ZNF248: variants seen among roughly 807,000 people sequenced by gnomAD.
The protein encoded by ZNF248 is zinc finger protein 248, also known as KRAB protein domain.
In ZNF248, 20 loss-of-function variants were observed where a neutral mutation model predicts 44.3. The observed-to-expected ratio is 0.45, with a 90% CI of 0.32 to 0.66. The LOEUF is 0.66. ZNF248 is among the 30% of genes least tolerant of loss of function. ZNF248 has a pLI of 0.04. For synonymous variants in ZNF248, 224 were observed against 229.0 expected, an observed-to-expected ratio of 0.98 and a Z score of 0.20; for missense variants, 654 against 677.0, an observed-to-expected ratio of 0.97 and a Z score of 0.38.
At position 37,799,043 on chromosome 10, in the gene ZNF248, C is replaced by A. The variant is rs905038737; in HGVS notation, c.331-22468G>T. Among the ~76,000 whole-genome samples the A allele has an allele frequency of 2.6e-5, 4 of 151,976 alleles. No homozygotes were observed. The East Asian group carries it at 7.7e-4, about 29-fold the overall frequency. ...TGACATCTCCATCTGAAAATGCCAA[C>A]CCTGTATGTACATGCTAACATTTTA... is the stretch of plus-strand genomic sequence containing the variant. On this transcript the variant is annotated intron_variant, in intron 6 of 6. Transcript: ENST00000615949.
chr10:37,856,602 A>C, intron 1 of ZNF248, 70 bp from the exon 2 acceptor site: 1 of 1,103,364 alleles, frequency 9.1e-7, no homozygotes, highest in South Asian at 4.2e-5. Flanking sequence ...GAAGGAAAAA[A>C]CACTATGGGT....
At chr10:37,820,233 CA>C (rs757633745) in intron 6 of ZNF248, 24 of 1,334,692 alleles carry the variant, frequency 1.8e-5, no homozygotes, top group South Asian at 1.4e-4. Context: ...CTGTCTGTGC[CA>C]GATGGAGATC....
At chr10:37,778,550 A>T (rs2046881612) in intron 6 of ZNF248, among the ~76,000 whole-genome samples, 1 of 151,828 alleles carries the variant, frequency 6.6e-6, no homozygotes, top group African/African-American at 2.4e-5. Context: ...ATTAGATCCC[A>T]TTTGTCAATT....
chr10:37,832,297 T>C lies in ZNF248; in HGVS notation c.1058A>G (p.Asp353Gly), dbSNP rs749649666. 6.2e-7 allele frequency: 1 copy of C among 1,614,040 alleles called. No individual in the cohort carries two copies. Among genetic ancestry groups the C allele is most frequent in the Admixed American group, 1.7e-5 (1 of 59,986 alleles). ...QIVHMGGKSY[D>G]YNENGSNFSK... ...GAAATTACTCCCATTTTCATTGTAA[T>C]CATAAGACTTTCCCCCCATGTGTAC... Residue 353 changes from aspartate (D) to glycine (G), a missense_variant, in exon 6 of 6, where the codon GAT (aspartate) becomes GGT (glycine). By Grantham distance (94) the Asp-to-Gly change is moderately conservative. Coordinates refer to ENST00000395867, the MANE Select transcript of ZNF248 (RefSeq NM_021045.3).
chr10:37,850,252 C>T lies in ZNF248; in HGVS notation c.15+6044G>A, dbSNP rs184028282. Among the ~76,000 whole-genome samples the T allele has an allele frequency of 2.6e-5, 4 of 152,218 alleles. No homozygotes were observed. The East Asian group carries it at 7.7e-4, about 29-fold the overall frequency. ...TTCAACAAGATTTAGTAATACAGAA[C>T]AGTCATAAATAGTTGCTAAATGAAT... On this transcript the variant is annotated intron_variant, in intron 3 of 5. Coordinates refer to ENST00000395867, the MANE Select transcript of ZNF248 (RefSeq NM_021045.3).
intron 6 of ZNF248, among the ~76,000 whole-genome samples, chr10:37,806,365 T>C (rs935173712): frequency 6.6e-6 from 1 of 152,204 alleles, no homozygotes; most frequent in East Asian, 1.9e-4. Context: ...CATCCTCAAC[T>C]ACACTTGATA....
intron 6 of ZNF248, among the ~76,000 whole-genome samples, chr10:37,809,075 C>A (rs1361613496): frequency 6.6e-6 from 1 of 151,980 alleles, no homozygotes; most frequent in East Asian, 1.9e-4. Flanking sequence ...GTATTTATAT[C>A]CCTGTCTTCA....
At chr10:37,796,045 C>G (rs2049115541) in intron 6 of ZNF248, 3 of 152,066 alleles carry the variant, frequency 2.0e-5, no homozygotes, top group South Asian at 2.1e-4. Flanking sequence ...GCTTTGGCTT[C>G]AAATACATTT....
chr10:37,801,058 G>C (rs560172687), intron 6 of ZNF248, among the ~76,000 whole-genome samples: 1 of 151,444 alleles, frequency 6.6e-6, no homozygotes, highest in Non-Finnish European at 1.5e-5. Flanking sequence ...CACTGTGCCC[G>C]GCCTAAACAA....
chr10:37,816,221 A>G (rs1242815401), intron 6 of ZNF248, among the ~76,000 whole-genome samples: 1 of 152,134 alleles, frequency 6.6e-6, no homozygotes, highest in Non-Finnish European at 1.5e-5. Context: ...GAATAAGGGG[A>G]AGGACTTGCA....
At chr10:37,793,006 C>A (rs1006345849) in intron 6 of ZNF248, among the ~76,000 whole-genome samples, 1 of 152,032 alleles carries the variant, frequency 6.6e-6, no homozygotes, top group Non-Finnish European at 1.5e-5. Flanking sequence ...GAAAGGTGTA[C>A]GAGAAATCTA....
At chr10:37,766,477 T>C in the ZNF248 span, among the ~76,000 whole-genome samples, 1 of 152,152 alleles carries the variant, frequency 6.6e-6, no homozygotes, top group Non-Finnish European at 1.5e-5. Flanking sequence ...CAGCCACCAC[T>C]GTTCTGCAGC....
Position 37,832,074 on chromosome 10 carries a change from C to T in ZNF248, c.1281G>A (p.Gln427=). The change falls in exon 6 of 6, where the codon CAG becomes CAA. Residue 427 remains glutamine (Q), a synonymous_variant. Transcript: ENST00000395867. The part of the protein sequence containing the change: ...FCQKPHLTNH[Q]RTHTGEKPYE... ...AGGGTTTTTCTCCTGTATGTGTTCG[C>T]TGATGGTTGGTCAGGTGTGGTTTCT... is the stretch of plus-strand genomic sequence containing the variant. 1 of 1,613,934 alleles carries T rather than the reference C, an allele frequency of 6.2e-7. No individual in the cohort carries two copies. Among genetic ancestry groups the T allele is most frequent in the East Asian group, 2.2e-5 (1 of 44,872 alleles).
At chr10:37,785,437 T>C (rs768797537) in intron 6 of ZNF248, among the ~76,000 whole-genome samples, 7 of 152,194 alleles carry the variant, frequency 4.6e-5, no homozygotes, top group Non-Finnish European at 1.0e-4. Flanking sequence ...CAGTTTATTG[T>C]GCAACAAAAA....
intron 6 of ZNF248, among the ~76,000 whole-genome samples, chr10:37,785,661 T>C (rs2047801631): frequency 6.6e-6 from 1 of 152,178 alleles, no homozygotes; most frequent in Non-Finnish European, 1.5e-5. Flanking sequence ...CCTGGTTCTC[T>C]CACATTGCTG....
At chr10:37,843,322 G>C (rs1271020402) in intron 3 of ZNF248, among the ~76,000 whole-genome samples, 1 of 151,806 alleles carries the variant, frequency 6.6e-6, no homozygotes, top group Non-Finnish European at 1.5e-5. Flanking sequence ...TTGCAAGGGA[G>C]GCTGATGTAG....
At chr10:37,759,093 A>G in the ZNF248 span, among the ~76,000 whole-genome samples, 1 of 152,224 alleles carries the variant, frequency 6.6e-6, no homozygotes, top group Non-Finnish European at 1.5e-5. Context: ...CACAGCCAAC[A>G]AGGTTAACAT....
chr10:37,779,136 A>C (rs914787922), intron 6 of ZNF248, among the ~76,000 whole-genome samples: 2 of 151,194 alleles, frequency 1.3e-5, no homozygotes, highest in African/African-American at 4.8e-5. Context: ...TCAATAGAAA[A>C]AGAGGGAATC....
chr10:37,831,447 C>A lies in ZNF248; in HGVS notation c.*168G>T, dbSNP rs2055598497. 2.0e-6 allele frequency: 3 copies of A among 1,464,578 alleles called. No homozygotes were observed. The East Asian group carries it at 7.5e-5, about 36-fold the overall frequency. 90.7% of individuals were successfully genotyped at this position (1,464,578 alleles called of 1,614,324 possible). On this transcript the variant is annotated 3_prime_UTR_variant, in exon 6 of 6. Transcript: ENST00000395867. ...CCATATTACTTAGATGAATAGAATTCCCCTCAGTACAAATTTTCTAATGAA... is the reference window on the plus strand; with the variant it reads ...CCATATTACTTAGATGAATAGAATTACCCTCAGTACAAATTTTCTAATGAA...
Sources: gnomAD v4.1 joint callset for allele counts (sites outside exome capture counted in the v4.1 genomes callset) on GRCh38, gnomAD v4.1.1 for gene constraint, MANE v1.5 for transcripts, NCBI Gene and HGNC (gene_info 2026-07-23, HGNC 2026-07-21) for gene names.